ZFHX3: variants seen among roughly 807,000 people sequenced by gnomAD.
ZFHX3 encodes zinc finger homeobox 3.
Under a neutral mutation model 279.1 loss-of-function variants are expected in ZFHX3, and 42 were observed. That is an observed-to-expected ratio of 0.15 (90% CI 0.12 to 0.19). The LOEUF is 0.19. ZFHX3 is among the 10% of genes least tolerant of loss of function. The pLI is 1.00. For missense variants in ZFHX3, 4,981 were observed against 4,754.0 expected (o/e 1.05, Z -1.40); for synonymous variants, 2,293 against 1,957.8 (o/e 1.17, Z -4.52).
chr16:73,416,663 G>C (rs1485381169), intron 3 of ZFHX3, among the ~76,000 whole-genome samples: 1 of 152,130 alleles, frequency 6.6e-6, no homozygotes, highest in African/African-American at 2.4e-5. Context: ...CACGAGGTCA[G>C]GAGATCGAGA....
intron 3 of ZFHX3, among the ~76,000 whole-genome samples, chr16:73,374,332 A>G (rs1454802128): frequency 6.6e-6 from 1 of 151,776 alleles, no homozygotes; most frequent in Non-Finnish European, 1.5e-5. Flanking sequence ...AGCTTCAACA[A>G]TGATCAAGGC....
chr16:72,788,347 T>G lies in ZFHX3; in HGVS notation c.9929A>C (p.Tyr3310Ser), dbSNP rs191632581. ...ATAAGGAGAAAAGCCTGGTACAAAG[T>G]AAGGAAGGAACTGGCTTGTGAGCAA... ...TALLTSQFLP[Y>S]FVPGFSPYYA... Residue 3310 changes from tyrosine to serine, a missense_variant, in exon 10 of 10, where the codon TAC becomes TCC. This residue lies in a region of ZFHX3 where 1,034 missense variants were observed against 786.0 expected (regional missense o/e 1.32). Transcript: ENST00000268489. The G allele has an allele frequency of 5.8e-5, 94 of 1,614,094 alleles. No homozygotes were observed. The East Asian group carries it at 1.3e-3, about 23-fold the overall frequency.
chr16:73,403,448 G>A (rs890225070), intron 3 of ZFHX3, among the ~76,000 whole-genome samples: 5 of 152,228 alleles, frequency 3.3e-5, no homozygotes, highest in Non-Finnish European at 7.3e-5. Context: ...GTGTGAAGGC[G>A]CAGGAGCGTC....
rs570731731 is a variant in ZFHX3 at position 73,694,436 on chromosome 16, C to T, written c.-1607-14196G>A. Among the ~76,000 whole-genome samples the T allele has an allele frequency of 7.1e-4, 108 of 152,212 alleles. 1 individual carries two copies. Among genetic ancestry groups the T allele is most frequent in the Non-Finnish European group, 1.2e-3 (83 of 68,002 alleles). ...TCGGCTTACTACAACGTCCACCTCCCGAGCTCAAGCAATTCTTCTGCCTCA... is the reference window on the plus strand; with the variant it reads ...TCGGCTTACTACAACGTCCACCTCCTGAGCTCAAGCAATTCTTCTGCCTCA... On this transcript the variant is annotated intron_variant, in intron 1 of 17. Coordinates refer to the ZFHX3 transcript ENST00000641206.
intron 6 of ZFHX3, among the ~76,000 whole-genome samples, chr16:73,143,374 G>A (rs767317434): frequency 2.6e-5 from 4 of 152,050 alleles, no homozygotes; most frequent in Admixed American, 2.0e-4. Flanking sequence ...GATTGACAAA[G>A]ATAACATTGG....
At chr16:73,467,581 T>C (rs190972228) in intron 2 of ZFHX3, among the ~76,000 whole-genome samples, 193 of 152,318 alleles carry the variant, frequency 1.3e-3, no homozygotes, top group Non-Finnish European at 2.3e-3. Flanking sequence ...GATGGGCAGA[T>C]TGTGATAAAT....
chr16:73,057,305 A>C (rs763871488), intron 1 of ZFHX3, among the ~76,000 whole-genome samples: 1 of 152,232 alleles, frequency 6.6e-6, no homozygotes, highest in African/African-American at 2.4e-5. Flanking sequence ...TGATATATAC[A>C]TATTTTAATT....
At chr16:72,850,526 A>G (rs1004438170) in intron 4 of ZFHX3, among the ~76,000 whole-genome samples, 6 of 152,216 alleles carry the variant, frequency 3.9e-5, no homozygotes, top group African/African-American at 1.4e-4. Flanking sequence ...TTTTAGGGAC[A>G]TTGATTAGAG....
intron 4 of ZFHX3, among the ~76,000 whole-genome samples, chr16:73,265,574 G>A (rs7498434): frequency 0.73 from 111,725 of 152,052 alleles, 41,645 homozygotes; most frequent in South Asian, 0.89. Context: ...GGTTTCACCC[G>A]TTCCCATCTA....
At chr16:73,663,017 A>G (rs1336872589) in intron 2 of ZFHX3, among the ~76,000 whole-genome samples, 1 of 152,218 alleles carries the variant, frequency 6.6e-6, no homozygotes, top group African/African-American at 2.4e-5. Flanking sequence ...AAAAGCTGCT[A>G]TAGGCATACT....
chr16:73,046,461 C>G (rs1014096506), intron 1 of ZFHX3, among the ~76,000 whole-genome samples: 2 of 152,116 alleles, frequency 1.3e-5, no homozygotes, highest in African/African-American at 4.8e-5. Flanking sequence ...GTGTCCTCCT[C>G]CAGCCCAGCC....
At chr16:73,354,887 C>A in intron 3 of ZFHX3, among the ~76,000 whole-genome samples, 1 of 152,194 alleles carries the variant, frequency 6.6e-6, no homozygotes, top group East Asian at 1.9e-4. Context: ...TCTCTCTTAG[C>A]CCTAAATGGA....
chr16:73,621,164 A>C (rs894009300), intron 2 of ZFHX3, among the ~76,000 whole-genome samples: 1 of 152,212 alleles, frequency 6.6e-6, no homozygotes, highest in African/African-American at 2.4e-5. Flanking sequence ...GTCTCCCTCC[A>C]CTGTATCCTG....
chr16:73,838,758 GTGTC>G lies in ZFHX3; in HGVS notation c.-1608+52889_-1608+52892del, dbSNP rs1010951532. ...TGTGTGTGTGCGCACATGCGTGTGTGTGTCTGTGTGTGTGTGTGTGTGTGTGTGT... is the reference window on the plus strand; with the variant it reads ...TGTGTGTGTGCGCACATGCGTGTGTGTGTGTGTGTGTGTGTGTGTGTGTGT... On this transcript the variant is annotated intron_variant, in intron 1 of 17. Transcript: ENST00000641206. Among the ~76,000 whole-genome samples the G allele has an allele frequency of 3.2e-5, 4 of 126,244 alleles. No homozygotes were observed. The East Asian group carries it at 5.9e-4, about 19-fold the overall frequency. The allele number at this position is 126,244 out of a possible 152,430, so 82.8% of individuals were successfully genotyped here. A position where few individuals can be genotyped will look rare whatever the true frequency, so the allele number is the denominator to read the frequency against.
chr16:73,577,530 T>C (rs939420309), intron 2 of ZFHX3, among the ~76,000 whole-genome samples: 11 of 152,210 alleles, frequency 7.2e-5, no homozygotes. Flanking sequence ...AGGCTGTTTC[T>C]TATGTTTTAA....
chr16:72,862,977 G>A (rs1216640244), intron 4 of ZFHX3, among the ~76,000 whole-genome samples: 2 of 152,190 alleles, frequency 1.3e-5, no homozygotes, highest in African/African-American at 2.4e-5. Flanking sequence ...GGGTATGACA[G>A]CTCACACCTG....
chr16:73,676,095 G>A (rs1446767863), intron 2 of ZFHX3, among the ~76,000 whole-genome samples: 4 of 151,348 alleles, frequency 2.6e-5, no homozygotes, highest in African/African-American at 7.3e-5. Context: ...AAAATAATAA[G>A]GAAAAAGTAT....
At position 73,730,216 on chromosome 16, in the gene ZFHX3, T is replaced by A. The variant is rs1044062880; in HGVS notation, c.-1607-49976A>T. On this transcript the variant is annotated intron_variant, in intron 1 of 17. Transcript: ENST00000641206. Reference sequence around the variant, plus strand: ...TTGGTGACAAATGCAAAGGACAGAATATGGAAATGAGAATAAGAGATAACT... The same window carrying A: ...TTGGTGACAAATGCAAAGGACAGAAAATGGAAATGAGAATAAGAGATAACT... 2.0e-5 allele frequency among the ~76,000 whole-genome samples: 3 copies of A among 152,144 alleles called. No homozygotes were observed. In the East Asian group the frequency reaches 5.8e-4, roughly 29 times the overall value.
Position 73,244,959 on chromosome 16 carries a change from A to G in ZFHX3, c.-1104+12088T>C, listed in dbSNP as rs567583587. On this transcript the variant is annotated intron_variant, in intron 5 of 17. Coordinates refer to the ZFHX3 transcript ENST00000641206. Reference sequence around the variant, plus strand: ...TTTGGAGCAGAAGTGGGGGCTTACAATTGCAGGTGGAGGTCAAAGCCACCT... The same window carrying G: ...TTTGGAGCAGAAGTGGGGGCTTACAGTTGCAGGTGGAGGTCAAAGCCACCT... Among the ~76,000 whole-genome samples, 6 of 152,256 alleles carry G rather than the reference A, an allele frequency of 3.9e-5. No individual in the cohort carries two copies. In the East Asian group the frequency reaches 5.8e-4, roughly 15 times the overall value.
Sources: gnomAD v4.1 joint callset for allele counts (sites outside exome capture counted in the v4.1 genomes callset) on GRCh38, gnomAD v4.1.1 for gene constraint, gnomAD v4.1.1 regional missense constraint, MANE v1.5 for transcripts, NCBI Gene and HGNC (gene_info 2026-07-23, HGNC 2026-07-21) for gene names.